Variants in NXPE2 observed in about 807,000 individuals in gnomAD.
The protein encoded by NXPE2 is NXPE family member 2.
NXPE2 carries 34 observed loss-of-function variants against 34.4 expected under a neutral mutation model. The observed-to-expected ratio is 0.99, with a 90% confidence interval of 0.75 to 1.31. The LOEUF (loss-of-function observed/expected upper bound fraction) is 1.31. NXPE2 is among the 40% of genes most tolerant of loss of function. The pLI is 0.00. For missense variants in NXPE2, 649 were observed against 672.5 expected, an observed-to-expected ratio of 0.97 and a Z score of 0.39; for synonymous variants, 235 against 231.3, an observed-to-expected ratio of 1.02 and a Z score of -0.15.
chr11:114,731,604 T>C, the NXPE2 span, among the ~76,000 whole-genome samples: 1 of 152,188 alleles, frequency 6.6e-6, no homozygotes, highest in East Asian at 1.9e-4. Flanking sequence ...TGATGTTGAT[T>C]TTTAAAAAGC....
the NXPE2 span, among the ~76,000 whole-genome samples, chr11:114,605,958 T>G: frequency 2.0e-5 from 3 of 151,862 alleles, no homozygotes; most frequent in South Asian, 4.1e-4. Flanking sequence ...GGATAATAAG[T>G]GTTGCCTCGT....
chr11:114,529,963 G>A, the NXPE2 span: 1 of 521,592 alleles, frequency 1.9e-6, no homozygotes, highest in Non-Finnish European at 3.3e-6. Flanking sequence ...TAGAAGAACG[G>A]TTATAGCAAA....
chr11:114,472,575 T>C, the NXPE2 span, among the ~76,000 whole-genome samples: 1 of 152,168 alleles, frequency 6.6e-6, no homozygotes. Flanking sequence ...TAGCATAGAC[T>C]GGGTGGGTTA....
At chr11:114,539,899 A>G in the NXPE2 span, among the ~76,000 whole-genome samples, 3 of 152,182 alleles carry the variant, frequency 2.0e-5, no homozygotes, top group Non-Finnish European at 4.4e-5. Flanking sequence ...CACTATATTG[A>G]AAAAAACCCA....
At chr11:114,493,218 A>G in the NXPE2 span, among the ~76,000 whole-genome samples, 4 of 152,078 alleles carry the variant, frequency 2.6e-5, no homozygotes, top group Non-Finnish European at 5.9e-5. Context: ...ATGGTGAAGT[A>G]TGTTTCTTGT....
the NXPE2 span, among the ~76,000 whole-genome samples, chr11:114,498,187 A>G: frequency 6.6e-6 from 1 of 152,004 alleles, no homozygotes; most frequent in Non-Finnish European, 1.5e-5. Context: ...CTACTAGTAC[A>G]TTTTCATTTT....
chr11:114,483,804 T>C, the NXPE2 span, among the ~76,000 whole-genome samples: 1 of 152,226 alleles, frequency 6.6e-6, no homozygotes, highest in African/African-American at 2.4e-5. Context: ...CTCCCTTCCT[T>C]CTTCTCTTTC....
At chr11:114,723,934 T>G in the NXPE2 span, among the ~76,000 whole-genome samples, 246 of 152,318 alleles carry the variant, frequency 1.6e-3, no homozygotes, top group African/African-American at 5.7e-3. Context: ...CTCTCCTATT[T>G]TGCTTCAAGT....
chr11:114,649,131 G>T, the NXPE2 span, among the ~76,000 whole-genome samples: 2 of 145,148 alleles, frequency 1.4e-5, no homozygotes, highest in Admixed American at 6.9e-5. Context: ...AGCTTGTCAT[G>T]TTTTTTTTTT....
the NXPE2 span, among the ~76,000 whole-genome samples, chr11:114,464,568 A>T: frequency 1.3e-5 from 2 of 152,232 alleles, no homozygotes; most frequent in Non-Finnish European, 2.9e-5. Flanking sequence ...TTAATATACC[A>T]GCAGATATCA....
the NXPE2 span, among the ~76,000 whole-genome samples, chr11:114,639,727 TATAATATAAA>T: frequency 5.7e-5 from 7 of 123,786 alleles, no homozygotes; most frequent in Non-Finnish European, 1.1e-4. Context: ...AATATAGTAA[TATAATATAAA>T]ATAATATATA....
At chr11:114,632,363 A>G in the NXPE2 span, among the ~76,000 whole-genome samples, 342 of 134,732 alleles carry the variant, frequency 2.5e-3, 3 homozygotes, top group African/African-American at 8.7e-3. Context: ...TAAATATTAT[A>G]TATTACATAT....
At chr11:114,773,832 TG>T in the NXPE2 span, among the ~76,000 whole-genome samples, 1 of 152,250 alleles carries the variant, frequency 6.6e-6, no homozygotes, top group South Asian at 2.1e-4. Flanking sequence ...ATCTCTTGTC[TG>T]CTCCTATCCT....
downstream of NXPE2, among the ~76,000 whole-genome samples, chr11:114,709,499 C>T (rs937782171): frequency 6.6e-6 from 1 of 152,074 alleles, no homozygotes; most frequent in South Asian, 2.1e-4. Context: ...GACTATATTG[C>T]TAATATACAA....
the NXPE2 span, chr11:114,551,382 C>T: frequency 1.5e-6 from 2 of 1,378,536 alleles, no homozygotes; most frequent in Non-Finnish European, 1.9e-6. Context: ...CCTTTGTCTA[C>T]CTATTGGATA....
the NXPE2 span, among the ~76,000 whole-genome samples, chr11:114,618,346 C>T: frequency 2.3e-3 from 354 of 152,040 alleles, 1 homozygote; most frequent in African/African-American, 8.1e-3. Context: ...CCACTGTTAC[C>T]TGGTCAATAA....
chr11:114,494,099 T>G, the NXPE2 span, among the ~76,000 whole-genome samples: 2 of 152,216 alleles, frequency 1.3e-5, no homozygotes, highest in Admixed American at 6.5e-5. Context: ...TGTTACTTGT[T>G]TCTTTTCTCT....
the NXPE2 span, among the ~76,000 whole-genome samples, chr11:114,721,182 A>C: frequency 9.9e-4 from 150 of 150,778 alleles, 2 homozygotes; most frequent in African/African-American, 3.5e-3. Context: ...GGTCTGATTG[A>C]CGGTGATTAG....
At chr11:114,464,823 C>T in the NXPE2 span, among the ~76,000 whole-genome samples, 1 of 151,724 alleles carries the variant, frequency 6.6e-6, no homozygotes, top group Non-Finnish European at 1.5e-5. Flanking sequence ...AAAACTCATA[C>T]CTAATATACA....
Sources: gnomAD v4.1 joint callset for allele counts (sites outside exome capture counted in the v4.1 genomes callset) on GRCh38, gnomAD v4.1.1 for gene constraint, MANE v1.5 for transcripts, NCBI Gene and HGNC (gene_info 2026-07-23, HGNC 2026-07-21) for gene names.